Variants in ARID1B observed in about 807,000 individuals in gnomAD.
ARID1B encodes the protein AT-rich interaction domain 1B, also known as AT-rich interactive domain-containing protein 1B.
Under a neutral mutation model 212.3 loss-of-function variants are expected in ARID1B, and 30 were observed. That is an observed-to-expected ratio of 0.14 (90% confidence interval 0.11 to 0.19). The LOEUF (loss-of-function observed/expected upper bound fraction) is 0.19, where lower values mean the gene tolerates loss of function less well. Ranked by LOEUF, ARID1B falls within the 10% of genes least tolerant of loss-of-function variation. The pLI is 1.00. For synonymous variants in ARID1B, 1,402 were observed against 1,301.7 expected (o/e 1.08, Z -1.66); for missense variants, 2,891 against 3,204.0 (o/e 0.90, Z 2.36).
chr6:156,986,906 C>T (rs1169639486), intron 4 of ARID1B, among the ~76,000 whole-genome samples: 2 of 152,060 alleles, frequency 1.3e-5, no homozygotes, highest in Admixed American at 1.3e-4. Context: ...AGGCCGGGTG[C>T]GGTGGCTCAT....
chr6:157,092,960 A>G (rs6910483), intron 5 of ARID1B, among the ~76,000 whole-genome samples: 14,039 of 151,706 alleles, frequency 0.093, 814 homozygotes, highest in African/African-American at 0.095. Context: ...GTTTGTTTTC[A>G]CTCTTGAGCT....
At chr6:157,090,747 C>T (rs1488156698) in intron 5 of ARID1B, among the ~76,000 whole-genome samples, 1 of 152,210 alleles carries the variant, frequency 6.6e-6, no homozygotes, top group East Asian at 1.9e-4. Context: ...GCTGGCTGGG[C>T]ATGAGGGATG....
chr6:156,962,936 C>T (rs1794494274), intron 4 of ARID1B, among the ~76,000 whole-genome samples: 2 of 124,052 alleles, frequency 1.6e-5, no homozygotes, highest in South Asian at 5.3e-4. Context: ...CGTGCGCCAC[C>T]ACGGCCAGCT....
chr6:157,110,757 G>A (rs1363742765), intron 6 of ARID1B, 196 bp downstream of exon 6: 1 of 622,134 alleles, frequency 1.6e-6, no homozygotes, highest in East Asian at 2.8e-5. Flanking sequence ...GTTGGGTGAA[G>A]TGTGGTCAAA....
chr6:157,182,626 C>G (rs768674086), intron 12 of ARID1B, among the ~76,000 whole-genome samples: 1 of 152,142 alleles, frequency 6.6e-6, no homozygotes, highest in African/African-American at 2.4e-5. Context: ...AAAGGGGAGG[C>G]CTTCTTTGTG....
At chr6:156,960,541 G>A (rs547365586) in intron 4 of ARID1B, among the ~76,000 whole-genome samples, 9 of 152,172 alleles carry the variant, frequency 5.9e-5, no homozygotes, top group African/African-American at 1.7e-4. Flanking sequence ...TATTTATTTT[G>A]TTTATGTGTT....
rs200054398 is a variant in ARID1B, at chr6:157,167,025, T to TTTC, written c.3090-13_3090-11dup. The TTTC allele has an allele frequency of 1.7e-4, 274 of 1,608,886 alleles. No individual in the cohort carries two copies. The East Asian group carries it at 5.9e-3, about 35-fold the overall frequency. Reference sequence around the variant, plus strand: ...CATGGTCGGTATATGTGTGCTGTGCTTTCTCTTCCTGTAGGCAAGGCAGTT... The same window carrying TTTC: ...CATGGTCGGTATATGTGTGCTGTGCTTTCTTCTCTTCCTGTAGGCAAGGCAGTT... On this transcript the variant is annotated splice_polypyrimidine_tract_variant and intron_variant, in intron 8 of 19. Coordinates refer to ENST00000636930, the MANE Select transcript of ARID1B (RefSeq NM_001374828.1).
At chr6:156,905,275 C>CACACACACACAT (rs927985000) in intron 3 of ARID1B, among the ~76,000 whole-genome samples, 5 of 151,988 alleles carry the variant, frequency 3.3e-5, no homozygotes, top group African/African-American at 1.2e-4. Context: ...CACACACACA[C>CACACACACACAT]ACACACAGAT....
intron 2 of ARID1B, among the ~76,000 whole-genome samples, chr6:156,835,621 AGTTTAT>A (rs1305897306): frequency 6.6e-6 from 1 of 152,132 alleles, no homozygotes; most frequent in Admixed American, 6.5e-5. Context: ...CTCTGCTGGT[AGTTTAT>A]ACTGTTTTGT....
At chr6:156,992,751 G>A (rs1011570947) in intron 4 of ARID1B, among the ~76,000 whole-genome samples, 1 of 152,108 alleles carries the variant, frequency 6.6e-6, no homozygotes, top group Admixed American at 6.5e-5. Flanking sequence ...GCTATGGAGC[G>A]GTCCCAGTGG....
At chr6:157,162,672 C>T (rs899863265) in intron 8 of ARID1B, among the ~76,000 whole-genome samples, 1 of 152,190 alleles carries the variant, frequency 6.6e-6, no homozygotes, top group African/African-American at 2.4e-5. Flanking sequence ...CGCAGGTCAG[C>T]ATGTTTAAGT....
At chr6:156,956,140 G>A (rs899925662) in intron 4 of ARID1B, among the ~76,000 whole-genome samples, 5 of 152,176 alleles carry the variant, frequency 3.3e-5, no homozygotes, top group African/African-American at 1.2e-4. Context: ...TGCTTCTGTA[G>A]TGCACAGGGG....
intron 5 of ARID1B, among the ~76,000 whole-genome samples, chr6:157,089,210 A>G (rs1302380294): frequency 2.0e-5 from 3 of 152,194 alleles, no homozygotes; most frequent in South Asian, 2.1e-4. Flanking sequence ...AAAAACAATC[A>G]TTTTTCTCCA....
chr6:156,948,851 C>T (rs1298941676), intron 4 of ARID1B, among the ~76,000 whole-genome samples: 1 of 152,162 alleles, frequency 6.6e-6, no homozygotes. Flanking sequence ...AATACTTTAA[C>T]ATCTTTTTTC....
At chr6:157,099,227 C>T (rs992330783) in intron 5 of ARID1B, among the ~76,000 whole-genome samples, 8 of 152,328 alleles carry the variant, frequency 5.3e-5, no homozygotes, top group South Asian at 4.1e-4. Context: ...GGATTACAAG[C>T]GTGAGCCATT....
At chr6:156,803,114 T>C (rs1473468482) in intron 1 of ARID1B, among the ~76,000 whole-genome samples, 1 of 152,102 alleles carries the variant, frequency 6.6e-6, no homozygotes. Context: ...ATGTAAAGAG[T>C]ATAGGAAATT....
intron 4 of ARID1B, among the ~76,000 whole-genome samples, chr6:157,007,083 G>C (rs1471771844): frequency 6.6e-6 from 1 of 152,174 alleles, no homozygotes; most frequent in Non-Finnish European, 1.5e-5. Context: ...TGGGAGAACT[G>C]TGTGTATAAA....
At chr6:157,023,225 A>T (rs1181089998) in intron 4 of ARID1B, 1 of 152,208 alleles carries the variant, frequency 6.6e-6, no homozygotes, top group East Asian at 1.9e-4. Context: ...GGCGCTTCCT[A>T]ACAGGAAGAG....
chr6:156,957,099 C>A (rs553299307), intron 4 of ARID1B, among the ~76,000 whole-genome samples: 1 of 152,272 alleles, frequency 6.6e-6, no homozygotes, highest in South Asian at 2.1e-4. Context: ...ATTGAAGGAA[C>A]AAATATATTT....
Sources: allele counts gnomAD v4.1 joint callset (sites outside exome capture counted in the v4.1 genomes callset), GRCh38; gene constraint gnomAD v4.1.1; transcripts MANE v1.5; gene names NCBI Gene and HGNC (gene_info 2026-07-23, HGNC 2026-07-21).